The following SLC6A16 variants were observed in gnomAD, a reference collection of about 807,000 sequenced individuals.
SLC6A16 encodes orphan sodium- and chloride-dependent neurotransmitter transporter NTT5.
A neutral mutation model predicts 65.4 loss-of-function variants in SLC6A16; 54 were observed. That is an observed-to-expected ratio of 0.83 (90% CI 0.66 to 1.04). The LOEUF (loss-of-function observed/expected upper bound fraction) is 1.04, where lower values mean the gene tolerates loss of function less well. SLC6A16 is among the 50% of genes least tolerant of loss of function. The pLI is 0.00. For synonymous variants in SLC6A16, 330 were observed against 346.5 expected (o/e 0.95, Z 0.53); for missense variants, 816 against 914.0 (o/e 0.89, Z 1.38).
Position 49,289,757 on chromosome 19 carries a change from TC to T in SLC6A16, c.*365del. 4.3e-6 allele frequency: 1 copy of T among 233,766 alleles called. No homozygotes were observed. Among genetic ancestry groups the T allele is most frequent in the Non-Finnish European group, 8.3e-6 (1 of 120,834 alleles). The allele number at this position is 233,766 out of a possible 1,614,324, so 14.5% of individuals were successfully genotyped here. ...TATAGGAAAAAAAGATCTGCTTACA[TC>T]CAGTCCTTGGAGTTCCAGTAGACTG... is the stretch of plus-strand genomic sequence containing the variant. On this transcript the variant is annotated 3_prime_UTR_variant, in exon 12 of 12. Transcript: ENST00000335875.
At chr19:49,309,901 C>T in intron 4 of SLC6A16, 75 bp from the exon 5 acceptor site, 1 of 1,550,094 alleles carries the variant, frequency 6.5e-7, no homozygotes, top group Non-Finnish European at 8.8e-7. Flanking sequence ...CCCCCACCTC[C>T]CTTTTCTCTT....
rs1013223559 is a variant in SLC6A16, at chr19:49,292,274, G to A, written c.1778+949C>T. Among the ~76,000 whole-genome samples the A allele has an allele frequency of 1.3e-5, 2 of 152,050 alleles. No homozygotes were observed. The highest frequency in any genetic ancestry group is 4.8e-5 in the African/African-American group (2 of 41,354). ...CCCAGCTACTCAGAAGGCTGAGGGA[G>A]GAGAATTGCTTGAACCCGGGAGGCG... is the stretch of plus-strand genomic sequence containing the variant. On this transcript the variant is annotated intron_variant, in intron 10 of 11. Transcript: ENST00000335875. The surrounding 1 kb of genome is among the most constrained non-coding windows in gnomAD (Gnocchi z 4.3).
At position 49,289,806 on chromosome 19, in the gene SLC6A16, T is replaced by C. The variant is rs895838809; in HGVS notation, c.*317A>G. On this transcript the variant is annotated 3_prime_UTR_variant, in exon 12 of 12. Transcript: ENST00000335875. ...CTGATTTATTCACCAACAGCATTGC[T>C]CCTCCAGCTCCATTCCAGGAGACAG... is the stretch of plus-strand genomic sequence containing the variant. 3.2e-6 allele frequency: 1 copy of C among 315,978 alleles called. No individual in the cohort carries two copies. The highest frequency in any genetic ancestry group is 5.8e-6 in the Non-Finnish European group (1 of 171,782). 19.6% of individuals were successfully genotyped at this position (315,978 alleles called of 1,614,324 possible).
chr19:49,335,476 C>A, the SLC6A16 span: 1 of 1,119,240 alleles, frequency 8.9e-7, no homozygotes, highest in South Asian at 1.2e-5. This position sits in a 1 kb window ranked among gnomAD's most constrained non-coding sequence, Gnocchi z 4.6. Context: ...TTCTTTCTCC[C>A]TGTCTCCCCC....
intron 1 of SLC6A16, among the ~76,000 whole-genome samples, chr19:49,314,822 A>AGCTG (rs981406972): frequency 3.9e-5 from 6 of 152,236 alleles, no homozygotes; most frequent in African/African-American, 1.2e-4. Context: ...TCTGTAAAAT[A>AGCTG]GCTGGCCTGT....
upstream of SLC6A16, among the ~76,000 whole-genome samples, chr19:49,326,236 A>T (rs1486553487): frequency 6.6e-6 from 1 of 152,086 alleles, no homozygotes; most frequent in Non-Finnish European, 1.5e-5. Context: ...ATTTTTGCAA[A>T]TCTCTCTAAT....
chr19:49,297,216 A>T (rs1970202482), intron 7 of SLC6A16, among the ~76,000 whole-genome samples: 1 of 152,176 alleles, frequency 6.6e-6, no homozygotes, highest in African/African-American at 2.4e-5. Context: ...CTTACAACTC[A>T]ATAATTTCAC....
chr19:49,331,739 T>A, the SLC6A16 span: 3 of 457,258 alleles, frequency 6.6e-6, no homozygotes, highest in East Asian at 2.1e-4. Context: ...AAATGGGCTG[T>A]GTCCCTTCTG....
intron 7 of SLC6A16, among the ~76,000 whole-genome samples, chr19:49,296,595 A>T (rs980266660): frequency 2.0e-5 from 3 of 152,236 alleles, no homozygotes; most frequent in African/African-American, 7.2e-5. Flanking sequence ...AAATAGAAAA[A>T]AATTTAATTT....
At position 49,310,455 on chromosome 19, in the gene SLC6A16, G is replaced by A; in HGVS notation, c.471C>T (p.Leu157=). The part of the protein sequence containing the change: ...FMLFLVGVPL[L]FLEMAAGQSM... ...TCTGACCAGCTGCCATCTCCAGGAAGAGAAGAGGAACCCCGACCAGGAACA... is the reference window on the plus strand; with the variant it reads ...TCTGACCAGCTGCCATCTCCAGGAAAAGAAGAGGAACCCCGACCAGGAACA... Residue 157 remains leucine (L), a synonymous_variant, in exon 3 of 12, where the codon CTC becomes CTT. Coordinates refer to ENST00000335875, the MANE Select transcript of SLC6A16 (RefSeq NM_014037.3). 1.9e-6 allele frequency: 3 copies of A among 1,614,160 alleles called. No individual in the cohort carries two copies. Among genetic ancestry groups the A allele is most frequent in the South Asian group, 2.2e-5 (2 of 91,082 alleles).
intron 4 of SLC6A16, 65 bp from the exon 5 acceptor site, chr19:49,309,891 C>A (rs1239609073): frequency 6.4e-7 from 1 of 1,550,520 alleles, no homozygotes; most frequent in Admixed American, 1.7e-5. Flanking sequence ...CTTATCCCCT[C>A]CCCCACCTCC....
At chr19:49,298,768 C>T (rs921401115) in intron 7 of SLC6A16, among the ~76,000 whole-genome samples, 26 of 152,146 alleles carry the variant, frequency 1.7e-4, no homozygotes, top group Non-Finnish European at 2.9e-5. Context: ...ATGTTTATCA[C>T]AGTACTATTC....
At chr19:49,317,815 A>C (rs1970640984) in intron 1 of SLC6A16, among the ~76,000 whole-genome samples, 1 of 152,234 alleles carries the variant, frequency 6.6e-6, no homozygotes, top group Non-Finnish European at 1.5e-5. Context: ...CAAAAAAAAA[A>C]AACTGTACAA....
chr19:49,331,753 C>A, the SLC6A16 span: 2 of 457,136 alleles, frequency 4.4e-6, no homozygotes, highest in African/African-American at 4.0e-5. Flanking sequence ...CCTTCTGCAC[C>A]CATTCCATTG....
At chr19:49,330,925 G>C in the SLC6A16 span, among the ~76,000 whole-genome samples, 1 of 143,098 alleles carries the variant, frequency 7.0e-6, no homozygotes, top group Non-Finnish European at 1.5e-5. Context: ...CTGGGCAATA[G>C]AGTGAGACAA....
intron 8 of SLC6A16, 49 bp from the exon 9 acceptor site, chr19:49,294,077 A>G: frequency 6.8e-7 from 1 of 1,476,358 alleles, no homozygotes; most frequent in Non-Finnish European, 9.4e-7. Context: ...CTAAACAATA[A>G]CAAAAAAATA....
At chr19:49,325,219 TCTCTGCGCATGCGCCGCCGCGCCCCCTCA>T, upstream of SLC6A16, 1 of 985,266 alleles carries the variant, frequency 1.0e-6, no homozygotes, top group Non-Finnish European at 1.2e-6. Context: ...TCCCGCCGAT[TCTCTGCGCATGCGCCGCCGCGCCCCCTCA>T]CTCTTTCCCT....
intron 1 of SLC6A16, 97 bp downstream of exon 1, chr19:49,324,951 A>G: frequency 1.4e-6 from 1 of 729,708 alleles, no homozygotes; most frequent in Non-Finnish European, 1.7e-6. Flanking sequence ...GTCACCCGTC[A>G]GTGGAGCCCA....
chr19:49,308,372 G>A (rs1047765653), intron 7 of SLC6A16, among the ~76,000 whole-genome samples: 1 of 152,184 alleles, frequency 6.6e-6, no homozygotes, highest in Non-Finnish European at 1.5e-5. Flanking sequence ...AGAATGGCTT[G>A]AACCCAGGAG....
Sources: gnomAD v4.1 joint callset for allele counts (sites outside exome capture counted in the v4.1 genomes callset) on GRCh38, gnomAD v4.1.1 for gene constraint, Gnocchi (gnomAD v3.1) non-coding constraint, MANE v1.5 for transcripts, NCBI Gene and HGNC (gene_info 2026-07-23, HGNC 2026-07-21) for gene names.